The following ZNF100 variants were observed in gnomAD, a reference collection of about 807,000 sequenced individuals.
ZNF100 encodes zinc finger protein 100 (Y1).
ZNF100 carries 12 observed loss-of-function variants against 15.8 expected under a neutral mutation model. The observed-to-expected ratio is 0.76, with a 90% CI of 0.49 to 1.23. The LOEUF is 1.23. Ranked by LOEUF, ZNF100 falls within the 50% of genes most tolerant of loss-of-function variation. ZNF100 has a pLI of 0.00. For missense variants in ZNF100, 670 were observed against 635.6 expected (o/e 1.05, Z -0.58); for synonymous variants, 226 against 214.8 (o/e 1.05, Z -0.45).
intron 2 of ZNF100, chr19:21,751,433 C>CT: frequency 2.4e-6 from 2 of 838,894 alleles, no homozygotes; most frequent in Non-Finnish European, 4.2e-6. Context: ...TGTTCATACT[C>CT]TTTTTAGTGC....
At chr19:21,763,523 G>A (rs982490249) in intron 2 of ZNF100, among the ~76,000 whole-genome samples, 1 of 152,200 alleles carries the variant, frequency 6.6e-6, no homozygotes, top group Non-Finnish European at 1.5e-5. Context: ...CTGGGAGGCA[G>A]AGGTTGCAGT....
At chr19:21,751,174 C>A in intron 2 of ZNF100, 1 of 1,329,406 alleles carries the variant, frequency 7.5e-7, no homozygotes, top group Non-Finnish European at 1.1e-6. Flanking sequence ...CTTAAATCAT[C>A]TATCTCCAGG....
At chr19:21,747,489 T>A (rs527769364) in intron 2 of ZNF100, among the ~76,000 whole-genome samples, 1 of 152,342 alleles carries the variant, frequency 6.6e-6, no homozygotes, top group African/African-American at 2.4e-5. Context: ...GTAATGTGAT[T>A]CTGCATGTTT....
chr19:21,723,891 T>C lies in ZNF100; in HGVS notation c.*2792A>G, dbSNP rs1413638219. ...GAAAAGAAAAATAACTAAAGGGCTA[T>C]AGAGTTCTCCAACTAAAAACAAAAT... On this transcript the variant is annotated 3_prime_UTR_variant, in exon 5 of 5. Coordinates refer to ENST00000358296, the MANE Select transcript of ZNF100 (RefSeq NM_173531.4). 2.0e-5 allele frequency: 3 copies of C among 152,212 alleles called. No individual in the cohort carries two copies. The highest frequency in any genetic ancestry group is 6.5e-5 in the Admixed American group (1 of 15,270). The allele number at this position is 152,212 out of a possible 1,614,324, so 9.4% of individuals were successfully genotyped here.
chr19:21,767,077 C>A (rs2036575970), intron 1 of ZNF100, among the ~76,000 whole-genome samples: 1 of 152,212 alleles, frequency 6.6e-6, no homozygotes, highest in Non-Finnish European at 1.5e-5. Context: ...AAGCCACGGA[C>A]CAAAGATCTT....
intron 4 of ZNF100, among the ~76,000 whole-genome samples, chr19:21,741,182 A>T (rs1385547672): frequency 6.9e-6 from 1 of 145,194 alleles, no homozygotes; most frequent in Non-Finnish European, 1.5e-5. Context: ...GATTCCACTT[A>T]TATGAGATAT....
At chr19:21,739,845 T>A (rs371384721) in intron 4 of ZNF100, among the ~76,000 whole-genome samples, 12 of 152,094 alleles carry the variant, frequency 7.9e-5, no homozygotes, top group African/African-American at 2.9e-4. Context: ...AAAATAAAAT[T>A]AAATTAAAAC....
chr19:21,760,761 T>G (rs2036470458), intron 2 of ZNF100, among the ~76,000 whole-genome samples: 1 of 146,638 alleles, frequency 6.8e-6, no homozygotes. Flanking sequence ...CTTGTTTTTT[T>G]TTTTTTTTTT....
intron 4 of ZNF100, among the ~76,000 whole-genome samples, chr19:21,740,279 T>G (rs868288453): frequency 2.0e-5 from 3 of 152,218 alleles, no homozygotes; most frequent in African/African-American, 7.2e-5. Flanking sequence ...ACTGATAAAG[T>G]TGGATCATTT....
rs147169465 is a variant in ZNF100 at position 21,761,149 on chromosome 19, G to T, written c.96+4545C>A. On this transcript the variant is annotated intron_variant, in intron 2 of 4. Coordinates refer to ENST00000358296, the MANE Select transcript of ZNF100 (RefSeq NM_173531.4). ...AACTGAGTGGACTGAACTAATAGAA[G>T]ACTGAAGTAATATTTTTTGACTTCG... Among the ~76,000 whole-genome samples, 488 of 152,220 alleles carry T rather than the reference G, an allele frequency of 3.2e-3. 2 individuals carry two copies. Among genetic ancestry groups the T allele is most frequent in the African/African-American group, 0.011 (469 of 41,540 alleles).
chr19:21,735,761 G>A (rs939033536), intron 4 of ZNF100, among the ~76,000 whole-genome samples: 1 of 152,018 alleles, frequency 6.6e-6, no homozygotes, highest in Non-Finnish European at 1.5e-5. Flanking sequence ...ATCAATTCAA[G>A]GAACACCCAG....
At chr19:21,766,707 C>G (rs916961883) in intron 1 of ZNF100, among the ~76,000 whole-genome samples, 1 of 152,134 alleles carries the variant, frequency 6.6e-6, no homozygotes, top group African/African-American at 2.4e-5. Flanking sequence ...TGATTAAATT[C>G]TTTAGGCCAG....
chr19:21,727,615 A>G lies in ZNF100; in HGVS notation c.697T>C (p.Tyr233His), dbSNP rs1476510347. ...HKRFHITENS[Y>H]QCKDCGKAFN... ...GCTTTGCCACAATCTTTACATTGGTAGGAATTCTCTGTAATATGAAATCTT... is the reference window on the plus strand; with the variant it reads ...GCTTTGCCACAATCTTTACATTGGTGGGAATTCTCTGTAATATGAAATCTT... Residue 233 changes from tyrosine to histidine, a missense_variant, in exon 5 of 5, where the codon TAC becomes CAC. Physicochemically the swap from Tyr to His is moderately conservative, Grantham distance 83 (BLOSUM62 2). Transcript: ENST00000358296. 3 of 1,612,244 alleles carry G rather than the reference A, an allele frequency of 1.9e-6. No homozygotes were observed. The highest frequency in any genetic ancestry group is 2.5e-6 in the Non-Finnish European group (3 of 1,179,336).
At position 21,765,694 on chromosome 19, in the gene ZNF100, C is replaced by G; in HGVS notation, c.96G>C (p.Lys32Asn). The stretch of plus-strand genomic sequence containing the variant: ...CAATTTTAATGTCTCAAGGGGTTAC[C>G]TTTTCAAAATAAGACTGCACCAGAA... ...RSLLVQSYFE[K>N]GPLTFRDVAI... Residue 32 changes from lysine to asparagine, a missense_variant and splice_region_variant, in exon 2 of 5, where the codon AAG becomes AAC. Coordinates refer to ENST00000358296, the MANE Select transcript of ZNF100 (RefSeq NM_173531.4). 1 of 1,613,974 alleles carries G rather than the reference C, an allele frequency of 6.2e-7. No individual in the cohort carries two copies. The highest frequency in any genetic ancestry group is 8.5e-7 in the Non-Finnish European group (1 of 1,179,962).
chr19:21,738,000 C>T (rs1303780210), intron 4 of ZNF100, among the ~76,000 whole-genome samples: 1 of 152,008 alleles, frequency 6.6e-6, no homozygotes, highest in Non-Finnish European at 1.5e-5. Flanking sequence ...CCTGTAATCC[C>T]AGCACTTTGA....
At chr19:21,728,654 C>A (rs2035858510) in intron 4 of ZNF100, among the ~76,000 whole-genome samples, 2 of 152,124 alleles carry the variant, frequency 1.3e-5, no homozygotes, top group South Asian at 4.1e-4. Context: ...GACGATTGTT[C>A]AGACTATGCC....
chr19:21,751,814 T>G, intron 2 of ZNF100: 2 of 1,046,922 alleles, frequency 1.9e-6, no homozygotes, highest in Non-Finnish European at 2.8e-6. Context: ...AGAGGCTATT[T>G]CTAGATTATG....
intron 4 of ZNF100, among the ~76,000 whole-genome samples, chr19:21,740,465 T>C (rs928738125): frequency 1.3e-5 from 2 of 151,734 alleles, no homozygotes; most frequent in African/African-American, 4.9e-5. Flanking sequence ...TACACGCTAC[T>C]TCAAAATTTA....
At position 21,762,943 on chromosome 19, in the gene ZNF100, G is replaced by T. The variant is rs1031077103; in HGVS notation, c.96+2751C>A. ...GATAAAACCCTCCAAAACCAAGATG[G>T]TGATGAGTGTGACCTCTGGTCATCC... On this transcript the variant is annotated intron_variant, in intron 2 of 4. Transcript: ENST00000358296. Among the ~76,000 whole-genome samples the T allele has an allele frequency of 3.3e-5, 5 of 152,234 alleles. No individual in the cohort carries two copies. In the South Asian group the frequency reaches 1.0e-3, roughly 32 times the overall value.
Sources: gnomAD v4.1 joint callset for allele counts (sites outside exome capture counted in the v4.1 genomes callset) on GRCh38, gnomAD v4.1.1 for gene constraint, MANE v1.5 for transcripts, NCBI Gene and HGNC (gene_info 2026-07-23, HGNC 2026-07-21) for gene names.